The following XIRP2 variants were observed in gnomAD, a reference collection of about 807,000 sequenced individuals.
XIRP2 encodes xin actin binding repeat containing 2.
A neutral mutation model predicts 277.0 loss-of-function variants in XIRP2; 236 were observed. The ratio of observed to expected loss-of-function variants is 0.85; its 90% CI spans 0.77 to 0.95. XIRP2 has a LOEUF of 0.95. XIRP2 is among the 40% of genes least tolerant of loss of function. The pLI is 0.00. For missense variants in XIRP2, 4,640 were observed against 4,157.5 expected (o/e 1.12, Z -3.19); for synonymous variants, 1,490 against 1,416.5 (o/e 1.05, Z -1.17).
At chr2:166,997,601 C>T (rs1014050421) in intron 2 of XIRP2, among the ~76,000 whole-genome samples, 6 of 151,916 alleles carry the variant, frequency 3.9e-5, no homozygotes, top group Admixed American at 6.6e-5. Flanking sequence ...ATGAATTTTG[C>T]TAAGAAGTTC....
chr2:167,212,601 A>C (rs1026435004), intron 4 of XIRP2, among the ~76,000 whole-genome samples: 1 of 152,228 alleles, frequency 6.6e-6, no homozygotes, highest in Admixed American at 6.5e-5. Context: ...CAAGAAAAGC[A>C]AGAGAAAGTT....
intron 2 of XIRP2, among the ~76,000 whole-genome samples, chr2:167,083,558 GATTCTT>G (rs1689814722): frequency 1.3e-5 from 2 of 152,160 alleles, no homozygotes; most frequent in Non-Finnish European, 2.9e-5. Context: ...TCATGATATT[GATTCTT>G]CCTACCCATG....
At position 167,248,030 on chromosome 2, in the gene XIRP2, T is replaced by A. The variant is rs767181838; in HGVS notation, c.6638T>A (p.Leu2213Ter). Residue 2213 changes from leucine (L) to a stop codon, truncating the protein, a stop_gained, in exon 9 of 11, where the codon TTG becomes TAG. Coordinates refer to ENST00000409195, the MANE Select transcript of XIRP2 (RefSeq NM_152381.6). LOFTEE classifies it high-confidence loss of function. ...NINLQPMWQL[L>*]PVEQDTSNVT... ...AACCTTCAACCAATGTGGCAGCTTTTGCCTGTAGAGCAAGACACATCCAAT... is the reference window on the plus strand; with the variant it reads ...AACCTTCAACCAATGTGGCAGCTTTAGCCTGTAGAGCAAGACACATCCAAT... 6.2e-7 allele frequency: 1 copy of A among 1,613,578 alleles called. No homozygotes were observed. Among genetic ancestry groups the A allele is most frequent in the Non-Finnish European group, 8.5e-7 (1 of 1,179,734 alleles).
intron 3 of XIRP2, among the ~76,000 whole-genome samples, chr2:167,158,573 A>ATTTCTACTG (rs1692271493): frequency 6.6e-6 from 1 of 152,134 alleles, no homozygotes; most frequent in Non-Finnish European, 1.5e-5. Flanking sequence ...TGTAACTTAC[A>ATTTCTACTG]TTTCTACTGT....
chr2:167,156,320 T>C (rs1279996276), intron 3 of XIRP2, among the ~76,000 whole-genome samples: 2 of 152,098 alleles, frequency 1.3e-5, no homozygotes, highest in African/African-American at 4.8e-5. Flanking sequence ...GTAAAGTTAA[T>C]GATAGCAACC....
At chr2:167,215,569 A>G (rs1694221146) in intron 4 of XIRP2, among the ~76,000 whole-genome samples, 1 of 152,166 alleles carries the variant, frequency 6.6e-6, no homozygotes, top group Non-Finnish European at 1.5e-5. Flanking sequence ...CAGGACCCCC[A>G]AAGTCCCCAG....
At chr2:166,940,685 G>C (rs752343562) in intron 2 of XIRP2, among the ~76,000 whole-genome samples, 1 of 152,190 alleles carries the variant, frequency 6.6e-6, no homozygotes, top group Non-Finnish European at 1.5e-5. Flanking sequence ...TCAGCTGCAG[G>C]TCTGTTGGAG....
At chr2:167,155,184 C>A (rs1692148448) in intron 3 of XIRP2, among the ~76,000 whole-genome samples, 2 of 150,628 alleles carry the variant, frequency 1.3e-5, no homozygotes, top group South Asian at 4.3e-4. Context: ...GGAACTGGTA[C>A]CATTCCTTCT....
intron 2 of XIRP2, among the ~76,000 whole-genome samples, chr2:167,047,114 G>A (rs370196992): frequency 4.4e-4 from 66 of 151,592 alleles, no homozygotes; most frequent in African/African-American, 1.5e-3. Flanking sequence ...ATGGTCTTAC[G>A]GGAAAAGGGA....
At chr2:167,121,731 G>A (rs1691063541) in intron 2 of XIRP2, among the ~76,000 whole-genome samples, 1 of 152,130 alleles carries the variant, frequency 6.6e-6, no homozygotes, top group Non-Finnish European at 1.5e-5. Flanking sequence ...AGGGAAAGAA[G>A]GCAGTATTTC....
intron 7 of XIRP2, 34 bp from the exon 8 acceptor site, chr2:167,241,743 A>G: frequency 3.8e-6 from 6 of 1,569,714 alleles, no homozygotes; most frequent in Non-Finnish European, 5.2e-6. Context: ...TTTAGTAATT[A>G]CATAGTAACC....
intron 3 of XIRP2, among the ~76,000 whole-genome samples, chr2:167,176,653 C>T (rs1205900094): frequency 2.0e-5 from 3 of 152,114 alleles, no homozygotes; most frequent in East Asian, 1.9e-4. Flanking sequence ...ATTATGCCCT[C>T]TCAGTAAAGG....
chr2:167,098,086 T>C (rs892350182), intron 2 of XIRP2, among the ~76,000 whole-genome samples: 26 of 152,228 alleles, frequency 1.7e-4, no homozygotes, highest in African/African-American at 6.3e-4. Context: ...TGAATTTGAA[T>C]GTTGGCCTGT....
chr2:166,896,602 A>T (rs969573002), intron 1 of XIRP2, among the ~76,000 whole-genome samples: 2 of 152,072 alleles, frequency 1.3e-5, no homozygotes, highest in Non-Finnish European at 2.9e-5. Flanking sequence ...AGAGTCAAAA[A>T]GTTTTAAAAA....
chr2:167,249,259 G>C lies in XIRP2; in HGVS notation c.7867G>C (p.Val2623Leu). ...GSQSNARILG[V>L]CSDNQLSTTS... ...TCAAAGTAATGCTCGGATACTAGGA[G>C]TGTGTTCTGATAACCAACTCTCCAC... is the stretch of plus-strand genomic sequence containing the variant. Residue 2623 changes from valine to leucine, a missense_variant, in exon 9 of 11, where the codon GTG (valine) becomes CTG (leucine). Val to Leu is a conservative substitution (Grantham distance 32). Transcript: ENST00000409195. 1.2e-6 allele frequency: 2 copies of C among 1,613,798 alleles called. No homozygotes were observed. The highest frequency in any genetic ancestry group is 1.7e-6 in the Non-Finnish European group (2 of 1,179,798).
chr2:166,988,931 A>C (rs1287679267), intron 2 of XIRP2, among the ~76,000 whole-genome samples: 2 of 117,796 alleles, frequency 1.7e-5, no homozygotes, highest in Non-Finnish European at 3.4e-5. Context: ...TAAACAAAGC[A>C]GCGGGGAAGC....
At chr2:166,939,508 G>A (rs1321541684) in intron 2 of XIRP2, among the ~76,000 whole-genome samples, 32 of 151,280 alleles carry the variant, frequency 2.1e-4, no homozygotes, top group East Asian at 1.4e-3. Context: ...GTGAAACCCC[G>A]TCTCTACTAA....
intron 2 of XIRP2, among the ~76,000 whole-genome samples, chr2:166,933,338 T>A (rs1421889020): frequency 6.6e-6 from 1 of 151,788 alleles, no homozygotes; most frequent in Non-Finnish European, 1.5e-5. Flanking sequence ...TTAGTAGAGA[T>A]GGGGTTTTGC....
intron 5 of XIRP2, among the ~76,000 whole-genome samples, chr2:167,224,391 G>A (rs1215424739): frequency 1.3e-5 from 2 of 151,812 alleles, no homozygotes; most frequent in African/African-American, 2.4e-5. Flanking sequence ...ATGCCACCAC[G>A]CCCAGCTAAT....
Sources: allele counts gnomAD v4.1 joint callset (sites outside exome capture counted in the v4.1 genomes callset), GRCh38; gene constraint gnomAD v4.1.1; transcripts MANE v1.5; gene names NCBI Gene and HGNC (gene_info 2026-07-23, HGNC 2026-07-21).